Variants in TTN observed in about 807,000 individuals in gnomAD.
TTN encodes connectin.
Under a neutral mutation model 3,223.0 loss-of-function variants are expected in TTN, and 1,525 were observed. The ratio of observed to expected loss-of-function variants is 0.47; its 90% CI spans 0.45 to 0.49. The LOEUF is 0.49. Ranked by LOEUF, TTN falls within the 20% of genes least tolerant of loss-of-function variation. TTN has a pLI of 0.00. For synonymous variants in TTN, 14,094 were observed against 15,161.0 expected, an observed-to-expected ratio of 0.93 and a Z score of 5.17; for missense variants, 40,786 against 43,424.0, an observed-to-expected ratio of 0.94 and a Z score of 5.40.
Position 178,719,964 on chromosome 2 carries a change from G to T in TTN, c.23659+19C>A, listed in dbSNP as rs1422403753. The stretch of plus-strand genomic sequence containing the variant: ...ATCAAGTAAATTGATTTTTTCTCTG[G>T]CTGTGCTTTGCTACTAACCTAGTAC... On this transcript the variant is annotated intron_variant, in intron 81 of 362. Coordinates refer to ENST00000589042, the MANE Select transcript of TTN (RefSeq NM_001267550.2). The T allele has an allele frequency of 3.2e-6, 5 of 1,567,976 alleles. No individual in the cohort carries two copies. Among genetic ancestry groups the T allele is most frequent in the Non-Finnish European group, 3.5e-6 (4 of 1,156,962 alleles).
intron 135 of TTN, 80 bp downstream of exon 135, chr2:178,682,617 T>A: frequency 7.6e-7 from 1 of 1,320,680 alleles, no homozygotes. Context: ...AATTTTTATC[T>A]TGTTATGATT....
Position 178,528,919 on chromosome 2 carries a change from G to C in TTN, c.106832C>G (p.Ala35611Gly). The C allele has an allele frequency of 6.2e-7, 1 of 1,614,002 alleles. No individual in the cohort carries two copies. The highest frequency in any genetic ancestry group is 8.5e-7 in the Non-Finnish European group (1 of 1,179,872). ...EEVRTHAEIK[A>G]FSTQMSINEG... ...GTTTATGCTCATCTGAGTAGAAAAT[G>C]CTTTAATCTCAGCATGAGTTCTGAC... The change falls in exon 360 of 363, where the codon GCA (alanine) becomes GGA (glycine). Residue 35611 changes from alanine (A) to glycine (G), a missense_variant. Ala to Gly is a moderately conservative substitution (Grantham distance 60). Transcript: ENST00000589042.
Position 178,612,905 on chromosome 2 carries a change from G to A in TTN, c.49816C>T (p.Pro16606Ser), listed in dbSNP as rs540303634. The A allele has an allele frequency of 3.0e-5, 48 of 1,612,512 alleles. No individual in the cohort carries two copies. The East Asian group carries it at 1.1e-3, about 36-fold the overall frequency. ...DEWVRVAEGV[P>S]TTQHLLPGLM... ...CCTGGGAGCAAGTGCTGAGTGGTGG[G>A]AACCCCTTCCGCCACTCTGACCCAC... The change falls in exon 265 of 363, where the codon CCC (proline) becomes TCC (serine). Residue 16606 changes from proline to serine, a missense_variant. Physicochemically the swap from Pro to Ser is moderately conservative, Grantham distance 74. Coordinates refer to ENST00000589042, the MANE Select transcript of TTN (RefSeq NM_001267550.2).
intron 8 of TTN, 29 bp downstream of exon 8, chr2:178,794,370 C>A: frequency 6.2e-7 from 1 of 1,613,496 alleles, no homozygotes. Context: ...CGTGGCTCTG[C>A]GGGTGCCCCA....
intron 106 of TTN, 87 bp from the exon 107 acceptor site, chr2:178,702,750 C>T: frequency 1.5e-6 from 2 of 1,310,982 alleles, no homozygotes; most frequent in South Asian, 3.3e-5. Context: ...TTAAAATCTC[C>T]ATCTTTGTAC....
At chr2:178,698,769 C>T (rs915483815) in intron 112 of TTN, 74 bp downstream of exon 112, 8 of 1,371,858 alleles carry the variant, frequency 5.8e-6, no homozygotes, top group East Asian at 2.5e-5. Flanking sequence ...CTTCCTTCAC[C>T]CTCCACTGTT....
At chr2:178,681,195 G>C (rs752349567) in intron 137 of TTN, 24 bp from the exon 138 acceptor site, 83 of 1,578,790 alleles carry the variant, frequency 5.3e-5, no homozygotes, top group Admixed American at 9.4e-5. Flanking sequence ...AATTATTAAA[G>C]AGCATTAAAA....
In TTN at chr2:178,729,013, A is replaced by G; in HGVS notation, c.19025T>C (p.Phe6342Ser). 1 of 1,613,004 alleles carries G rather than the reference A, an allele frequency of 6.2e-7. No homozygotes were observed. Among genetic ancestry groups the G allele is most frequent in the South Asian group, 1.1e-5 (1 of 91,002 alleles). The change falls in exon 65 of 363, where the codon TTT becomes TCT. Residue 6342 changes from phenylalanine (F) to serine (S), a missense_variant. Transcript: ENST00000589042. ...LDEDDNVYISFVDSVATLQIR... is the reference protein window; with the variant it reads ...LDEDDNVYISSVDSVATLQIR... ...TTGAAGTGTGGCCACACTGTCCACA[A>G]ATGAAATATAGACATTATCATCTTC...
chr2:178,734,264 T>C (rs2081049471), intron 52 of TTN, 64 bp downstream of exon 52: 1 of 1,487,538 alleles, frequency 6.7e-7, no homozygotes, highest in African/African-American at 1.4e-5. Flanking sequence ...CAGTTTTTCT[T>C]CCATGGGGTA....
At chr2:178,615,517 A>T in intron 258 of TTN, 33 bp from the exon 259 acceptor site, 2 of 1,609,950 alleles carry the variant, frequency 1.2e-6, no homozygotes, top group Non-Finnish European at 1.7e-6. Context: ...TCAGTCTTAC[A>T]CAGGCCACCT....
intron 199 of TTN, 31 bp from the exon 200 acceptor site, chr2:178,652,962 A>C: frequency 6.2e-7 from 1 of 1,600,016 alleles, no homozygotes; most frequent in Non-Finnish European, 8.5e-7. Flanking sequence ...TTACATTTAG[A>C]AGTTTGAAGA....
intron 45 of TTN, among the ~76,000 whole-genome samples, chr2:178,757,229 A>ACCGTACTTACTTTAAGT (rs1398848581): frequency 6.7e-6 from 1 of 149,626 alleles, no homozygotes; most frequent in African/African-American, 2.4e-5. Context: ...AGTAAGTAAT[A>ACCGTACTTACTTTAAGT]ATCAGCAAAT....
At chr2:178,587,483 G>C (rs1013066752) in intron 306 of TTN, 33 bp downstream of exon 306, 2 of 1,601,980 alleles carry the variant, frequency 1.2e-6, no homozygotes, top group African/African-American at 2.7e-5. Flanking sequence ...ATTCATTTTT[G>C]AAGTGGGAGG....
intron 37 of TTN, among the ~76,000 whole-genome samples, chr2:178,769,252 AT>A (rs1003914075): frequency 6.7e-6 from 1 of 150,370 alleles, no homozygotes; most frequent in Non-Finnish European, 1.5e-5. Context: ...TCAATTAACA[AT>A]TTTTTTTCTT....
rs375699886 is a variant in TTN, at chr2:178,652,852, A to C, written c.38955T>G (p.Val12985=). 253 of 1,611,420 alleles carry C rather than the reference A, an allele frequency of 1.6e-4. No homozygotes were observed. The South Asian group carries it at 2.6e-3, about 16-fold the overall frequency. The change falls in exon 200 of 363, where the codon GTT becomes GTG. Residue 12985 remains valine (V), a synonymous_variant. Coordinates refer to ENST00000589042, the MANE Select transcript of TTN (RefSeq NM_001267550.2). ...APPKKPEVPP[V]KVPEAPKEVV... is the part of the protein sequence containing the mutation. Reference sequence around the variant, plus strand: ...CCTAAAGCCAGTGACAAATACCTTTAACAGGAGGGACTTCAGGCTTTTTAG... The same window carrying C: ...CCTAAAGCCAGTGACAAATACCTTTCACAGGAGGGACTTCAGGCTTTTTAG...
At chr2:178,619,197 ACT>A (rs1491565251) in intron 250 of TTN, 1 of 360,948 alleles carries the variant, frequency 2.8e-6, no homozygotes, top group Non-Finnish European at 5.0e-6. Flanking sequence ...AATCAGAGAA[ACT>A]TTTTTCTTAT....
At chr2:178,798,913 C>A (rs2093907570) in intron 6 of TTN, 1 of 155,514 alleles carries the variant, frequency 6.4e-6, no homozygotes, top group Non-Finnish European at 1.4e-5. Context: ...TCTCCTTTCA[C>A]TGTGCCATAT....
Position 178,719,712 on chromosome 2 carries a change from C to T in TTN, c.23780G>A (p.Arg7927Lys). The change falls in exon 82 of 363, where the codon AGA (arginine) becomes AAA (lysine). Residue 7927 changes from arginine (R) to lysine (K), a missense_variant. Transcript: ENST00000589042. ...ATGTTTGCTGTCTGCAGACAATTCT[C>T]TTCCATCTTTGAACCACTTGGCTGA... ...ELSAKWFKDG[R>K]ELSADSKHHI... 6.2e-7 allele frequency: 1 copy of T among 1,613,734 alleles called. No homozygotes were observed. The highest frequency in any genetic ancestry group is 8.5e-7 in the Non-Finnish European group (1 of 1,179,704).
rs190021597 is a variant in TTN, at chr2:178,612,777, C to A, written c.49944G>T (p.Lys16648Asn). 2.0e-5 allele frequency: 32 copies of A among 1,608,546 alleles called. No individual in the cohort carries two copies. The highest frequency in any genetic ancestry group is 2.6e-5 in the Non-Finnish European group (31 of 1,177,910). Residue 16648 changes from lysine (K) to asparagine (N), a missense_variant, in exon 265 of 363, where the codon AAG (lysine) becomes AAT (asparagine). Transcript: ENST00000589042. ...EPSDPVLCRE[K>N]LYPPSPPRWL... ...CAGACATCAAGAGTGACTTACATAG[C>A]TTCTCCCGGCAAAGCACAGGGTCAC...
Sources: allele counts gnomAD v4.1 joint callset (sites outside exome capture counted in the v4.1 genomes callset), GRCh38; gene constraint gnomAD v4.1.1; transcripts MANE v1.5; gene names NCBI Gene and HGNC (gene_info 2026-07-23, HGNC 2026-07-21).